SPOCK1: variants seen among roughly 807,000 people sequenced by gnomAD.
The protein encoded by SPOCK1 is SPARC (osteonectin), cwcv and kazal like domains proteoglycan 1, also known as testican-1.
Under a neutral mutation model 55.3 loss-of-function variants are expected in SPOCK1, and 23 were observed. The observed-to-expected ratio is 0.42, with a 90% CI of 0.30 to 0.59. The LOEUF (loss-of-function observed/expected upper bound fraction) is 0.59, where lower values mean the gene tolerates loss of function less well. Among genes scored for constraint, SPOCK1 ranks in the 20% least tolerant of loss-of-function variants. SPOCK1 has a pLI of 0.22. For synonymous variants in SPOCK1, 226 were observed against 221.0 expected (o/e 1.02, Z -0.20); for missense variants, 499 against 552.5 (o/e 0.90, Z 0.97).
At chr5:137,283,225 T>C (rs1245053157) in intron 2 of SPOCK1, among the ~76,000 whole-genome samples, 1 of 152,200 alleles carries the variant, frequency 6.6e-6, no homozygotes, top group African/African-American at 2.4e-5. Context: ...GTGGAGCTTC[T>C]GTGCCCTCAT....
In SPOCK1 at chr5:137,228,865, C is replaced by T. The variant is rs115937386; in HGVS notation, c.232+38145G>A. 3.6e-3 allele frequency among the ~76,000 whole-genome samples: 544 copies of T among 152,282 alleles called. 5 individuals are homozygous for T. The highest frequency in any genetic ancestry group is 0.012 in the African/African-American group (497 of 41,552). On this transcript the variant is annotated intron_variant, in intron 3 of 10. Transcript: ENST00000394945. ...TCTTACCCAGATAATGGATTTACCT[C>T]GGAGCAATGTCAGAATTTAGGAACA... is the stretch of plus-strand genomic sequence containing the variant.
chr5:137,350,857 GT>G (rs1165729172), intron 2 of SPOCK1, among the ~76,000 whole-genome samples: 2 of 152,056 alleles, frequency 1.3e-5, no homozygotes, highest in Non-Finnish European at 2.9e-5. Context: ...TAGCATCAAA[GT>G]GGGCATGGAA....
intron 3 of SPOCK1, among the ~76,000 whole-genome samples, chr5:137,245,771 CAAAACAAAAA>C (rs1756381318): frequency 4.2e-5 from 2 of 47,296 alleles, no homozygotes; most frequent in African/African-American, 2.2e-4. Flanking sequence ...CAAAACAAAA[CAAAACAAAAA>C]AAAAACAAAA....
intron 2 of SPOCK1, among the ~76,000 whole-genome samples, chr5:137,279,453 C>T (rs1757129501): frequency 6.6e-6 from 1 of 152,184 alleles, no homozygotes; most frequent in Non-Finnish European, 1.5e-5. Flanking sequence ...GGACAGTTTT[C>T]CAGAGGATGG....
chr5:137,180,468 A>G (rs1754949916), intron 3 of SPOCK1, among the ~76,000 whole-genome samples: 1 of 152,098 alleles, frequency 6.6e-6, no homozygotes, highest in African/African-American at 2.4e-5. Flanking sequence ...ATACATTAGT[A>G]TCCCATTTCA....
At chr5:137,008,096 G>C (rs1249836603) in intron 6 of SPOCK1, among the ~76,000 whole-genome samples, 2 of 144,260 alleles carry the variant, frequency 1.4e-5, no homozygotes, top group Non-Finnish European at 3.0e-5. Flanking sequence ...AAACGAGAAC[G>C]TATGGGCACA....
intron 3 of SPOCK1, among the ~76,000 whole-genome samples, chr5:137,191,641 A>G (rs1373729310): frequency 6.6e-6 from 1 of 152,222 alleles, no homozygotes; most frequent in Non-Finnish European, 1.5e-5. Flanking sequence ...AGACAATATC[A>G]GTGGCCCATC....
At chr5:137,286,307 A>T (rs1757264657) in intron 2 of SPOCK1, among the ~76,000 whole-genome samples, 1 of 152,230 alleles carries the variant, frequency 6.6e-6, no homozygotes, top group Non-Finnish European at 1.5e-5. Flanking sequence ...AAAAGAGTGA[A>T]TTTATACTAT....
intron 3 of SPOCK1, among the ~76,000 whole-genome samples, chr5:137,200,119 C>T (rs2127075566): frequency 6.6e-6 from 1 of 152,298 alleles, no homozygotes; most frequent in East Asian, 1.9e-4. Flanking sequence ...AAGAGTCCTT[C>T]TGTATTAGTC....
chr5:137,157,255 G>GA (rs1279619745), intron 3 of SPOCK1, among the ~76,000 whole-genome samples: 2 of 152,340 alleles, frequency 1.3e-5, no homozygotes, highest in Admixed American at 6.5e-5. Context: ...ATTTGGATGG[G>GA]AATGCTCCAG....
chr5:137,479,599 T>C (rs902435680), intron 2 of SPOCK1, among the ~76,000 whole-genome samples: 2 of 152,204 alleles, frequency 1.3e-5, no homozygotes, highest in African/African-American at 4.8e-5. Context: ...GAAGATGCAC[T>C]GAATTGCTAA....
At chr5:137,486,865 G>A (rs944256971) in intron 2 of SPOCK1, among the ~76,000 whole-genome samples, 2 of 152,226 alleles carry the variant, frequency 1.3e-5, no homozygotes, top group African/African-American at 4.8e-5. Context: ...ATTCCAGGTG[G>A]CTGGACAAAG....
intron 3 of SPOCK1, among the ~76,000 whole-genome samples, chr5:137,153,214 G>A (rs1291361854): frequency 6.6e-6 from 1 of 152,196 alleles, no homozygotes; most frequent in Non-Finnish European, 1.5e-5. Flanking sequence ...TGCTGTAAAG[G>A]ACATGTTCAG....
In SPOCK1 at chr5:137,140,699, G is replaced by A. The variant is rs1158983028; in HGVS notation, c.233-5C>T. 5.1e-6 allele frequency: 8 copies of A among 1,565,530 alleles called. No individual in the cohort carries two copies. The highest frequency in any genetic ancestry group is 2.6e-6 in the Non-Finnish European group (3 of 1,157,408). ...GGTCCTTGGATGGGTCCAGGGCTGAGGCAAAAACAAGAAGGAGGGCAGGGT... is the reference window on the plus strand; with the variant it reads ...GGTCCTTGGATGGGTCCAGGGCTGAAGCAAAAACAAGAAGGAGGGCAGGGT... On this transcript the variant is annotated splice_region_variant and splice_polypyrimidine_tract_variant and intron_variant, in intron 3 of 10. Transcript: ENST00000394945.
intron 3 of SPOCK1, among the ~76,000 whole-genome samples, chr5:137,245,551 T>C (rs1227231148): frequency 6.6e-6 from 1 of 152,100 alleles, no homozygotes; most frequent in Non-Finnish European, 1.5e-5. Flanking sequence ...AATAAAAGCA[T>C]CAAAAACTTA....
intron 3 of SPOCK1, among the ~76,000 whole-genome samples, chr5:137,211,512 T>C (rs1186005086): frequency 1.3e-5 from 2 of 152,220 alleles, no homozygotes; most frequent in Non-Finnish European, 2.9e-5. Flanking sequence ...ATTTGGTCTT[T>C]GACCCTGGCT....
intron 3 of SPOCK1, among the ~76,000 whole-genome samples, chr5:137,199,855 A>G (rs1178330474): frequency 6.6e-6 from 1 of 152,158 alleles, no homozygotes; most frequent in African/African-American, 2.4e-5. Flanking sequence ...CCATCAACAC[A>G]GAAGCCTCTA....
At chr5:137,030,004 T>C (rs1470437566) in intron 6 of SPOCK1, among the ~76,000 whole-genome samples, 1 of 152,254 alleles carries the variant, frequency 6.6e-6, no homozygotes, top group Non-Finnish European at 1.5e-5. Flanking sequence ...TGCTATTTCA[T>C]GAAAGCATGA....
chr5:137,102,379 C>T (rs1196145443), intron 5 of SPOCK1, among the ~76,000 whole-genome samples: 3 of 151,992 alleles, frequency 2.0e-5, no homozygotes, highest in East Asian at 1.9e-4. Context: ...TATTAAAATC[C>T]CTATTCTCTG....
Sources: gnomAD v4.1 joint callset for allele counts (sites outside exome capture counted in the v4.1 genomes callset) on GRCh38, gnomAD v4.1.1 for gene constraint, MANE v1.5 for transcripts, NCBI Gene and HGNC (gene_info 2026-07-23, HGNC 2026-07-21) for gene names.